ZBTB38: variants seen among roughly 807,000 people sequenced by gnomAD.
ZBTB38 encodes the protein zinc finger and BTB domain-containing protein 38.
Under a neutral mutation model 76.8 loss-of-function variants are expected in ZBTB38, and 20 were observed. The observed-to-expected ratio is 0.26, with a 90% CI of 0.18 to 0.38. The LOEUF is 0.38. Ranked by LOEUF, ZBTB38 falls within the 10% of genes least tolerant of loss-of-function variation. The pLI is 1.00. For synonymous variants in ZBTB38, 504 were observed against 544.2 expected (o/e 0.93, Z 1.03); for missense variants, 1,082 against 1,482.3 (o/e 0.73, Z 4.43).
At chr3:141,351,131 G>A (rs960089302) in intron 1 of ZBTB38, among the ~76,000 whole-genome samples, 10 of 152,180 alleles carry the variant, frequency 6.6e-5, no homozygotes, top group African/African-American at 2.4e-4. Flanking sequence ...TTATCTCTAG[G>A]TCAGGGAGGT....
chr3:141,395,836 A>T (rs1181380345), intron 4 of ZBTB38, among the ~76,000 whole-genome samples: 1 of 152,224 alleles, frequency 6.6e-6, no homozygotes, highest in African/African-American at 2.4e-5. Flanking sequence ...GGTGCATATA[A>T]AAGTTGTGTT....
intron 5 of ZBTB38, among the ~76,000 whole-genome samples, chr3:141,427,975 A>G (rs2076718685): frequency 6.6e-6 from 1 of 152,180 alleles, no homozygotes; most frequent in African/African-American, 2.4e-5. Flanking sequence ...CACCTGGAAA[A>G]TGCCTACCGG....
intron 1 of ZBTB38, among the ~76,000 whole-genome samples, chr3:141,351,578 A>T (rs969113781): frequency 7.2e-5 from 11 of 151,788 alleles, no homozygotes; most frequent in African/African-American, 2.4e-4. Flanking sequence ...ACAAAAAAAA[A>T]TTTTTAAAGC....
At chr3:141,335,606 C>T (rs1351888675) in intron 1 of ZBTB38, among the ~76,000 whole-genome samples, 1 of 152,230 alleles carries the variant, frequency 6.6e-6, no homozygotes, top group African/African-American at 2.4e-5. Context: ...CAGGAACAGG[C>T]ACAGGCCTTC....
chr3:141,426,037 G>T, intron 5 of ZBTB38: 1 of 799,978 alleles, frequency 1.3e-6, no homozygotes, highest in Non-Finnish European at 1.8e-6. Flanking sequence ...ACATATGTAG[G>T]TGACTTCCTC....
intron 1 of ZBTB38, among the ~76,000 whole-genome samples, chr3:141,349,369 G>A (rs758452097): frequency 1.3e-4 from 20 of 152,152 alleles, no homozygotes; most frequent in Non-Finnish European, 2.5e-4. Flanking sequence ...AGAAACTAAA[G>A]CACAGAGTGC....
chr3:141,412,208 A>G (rs1159229700), intron 5 of ZBTB38, among the ~76,000 whole-genome samples: 1 of 152,168 alleles, frequency 6.6e-6, no homozygotes, highest in African/African-American at 2.4e-5. Flanking sequence ...TTTGGAAGCT[A>G]TGATTTATGT....
chr3:141,438,895 C>T (rs574701169), intron 5 of ZBTB38, among the ~76,000 whole-genome samples: 10 of 152,128 alleles, frequency 6.6e-5, no homozygotes, highest in Non-Finnish European at 1.5e-4. Flanking sequence ...CTGGGCTGCA[C>T]ACACTACTCC....
chr3:141,344,872 T>C (rs1943300123), intron 1 of ZBTB38, among the ~76,000 whole-genome samples: 1 of 152,238 alleles, frequency 6.6e-6, no homozygotes, highest in Non-Finnish European at 1.5e-5. Flanking sequence ...TCTCTTGCCA[T>C]GGAAGGTAAC....
chr3:141,406,214 T>C (rs138883813), intron 5 of ZBTB38, among the ~76,000 whole-genome samples: 1 of 152,262 alleles, frequency 6.6e-6, no homozygotes, highest in East Asian at 1.9e-4. Context: ...CAGGGGAGTG[T>C]TGTGGCTGTG....
At chr3:141,409,362 C>T (rs1053981868) in intron 5 of ZBTB38, among the ~76,000 whole-genome samples, 1 of 152,110 alleles carries the variant, frequency 6.6e-6, no homozygotes, top group African/African-American at 2.4e-5. Context: ...GAGATTTTTA[C>T]ACCCTGGGGT....
At chr3:141,373,871 G>A (rs896367076) in intron 2 of ZBTB38, among the ~76,000 whole-genome samples, 39 of 152,090 alleles carry the variant, frequency 2.6e-4, no homozygotes, top group Admixed American at 1.6e-3. Context: ...GGCTCACACC[G>A]GAAATCCCAG....
intron 1 of ZBTB38, among the ~76,000 whole-genome samples, chr3:141,326,913 G>T (rs1244003345): frequency 6.6e-6 from 1 of 152,188 alleles, no homozygotes; most frequent in East Asian, 1.9e-4. Context: ...TTGCCAGATG[G>T]ACCCCTGGAC....
intron 5 of ZBTB38, among the ~76,000 whole-genome samples, chr3:141,423,552 G>A (rs1215671144): frequency 1.3e-5 from 2 of 152,098 alleles, no homozygotes; most frequent in Non-Finnish European, 2.9e-5. Flanking sequence ...TGGGTAACCA[G>A]TGCTCTACCT....
intron 5 of ZBTB38, among the ~76,000 whole-genome samples, chr3:141,426,548 G>T (rs1335127107): frequency 1.3e-5 from 2 of 152,160 alleles, no homozygotes; most frequent in Non-Finnish European, 2.9e-5. Flanking sequence ...GGGAGCAGAC[G>T]CCAGAAGGAA....
chr3:141,359,571 C>A (rs764894610), intron 1 of ZBTB38, among the ~76,000 whole-genome samples: 44 of 152,222 alleles, frequency 2.9e-4, no homozygotes, highest in African/African-American at 9.4e-4. Flanking sequence ...CAGCAAAGGA[C>A]AGTATTTTTT....
intron 1 of ZBTB38, among the ~76,000 whole-genome samples, chr3:141,335,899 G>A (rs1943003127): frequency 6.6e-6 from 1 of 152,198 alleles, no homozygotes; most frequent in Non-Finnish European, 1.5e-5. Flanking sequence ...GCACAATGCT[G>A]ACACATAGTA....
intron 2 of ZBTB38, among the ~76,000 whole-genome samples, chr3:141,372,230 A>G (rs1351247092): frequency 2.0e-5 from 3 of 152,258 alleles, no homozygotes; most frequent in Non-Finnish European, 4.4e-5. Flanking sequence ...GGAATGGAAT[A>G]GAATAACAAG....
At chr3:141,429,891 G>A (rs1000346366) in intron 5 of ZBTB38, among the ~76,000 whole-genome samples, 4 of 152,150 alleles carry the variant, frequency 2.6e-5, no homozygotes, top group Non-Finnish European at 5.9e-5. Context: ...CAAAGGCAGC[G>A]CAAGGAGTGC....
Sources: gnomAD v4.1 joint callset for allele counts (sites outside exome capture counted in the v4.1 genomes callset) on GRCh38, gnomAD v4.1.1 for gene constraint, MANE v1.5 for transcripts, NCBI Gene and HGNC (gene_info 2026-07-23, HGNC 2026-07-21) for gene names.